Variants in MAST4 observed in about 807,000 individuals in gnomAD.
MAST4 encodes microtubule associated serine/threonine kinase family member 4.
Under a neutral mutation model 162.7 loss-of-function variants are expected in MAST4, and 89 were observed. The observed-to-expected ratio is 0.55, with a 90% confidence interval of 0.46 to 0.65. The LOEUF (loss-of-function observed/expected upper bound fraction) is 0.65, where lower values mean the gene tolerates loss of function less well. Ranked by LOEUF, MAST4 falls within the 30% of genes least tolerant of loss-of-function variation. The pLI, the probability that MAST4 is intolerant of heterozygous loss-of-function variation, is 0.00. For missense variants in MAST4, 3,153 were observed against 3,374.0 expected (o/e 0.93, Z 1.62); for synonymous variants, 1,479 against 1,361.1 (o/e 1.09, Z -1.91).
chr5:67,000,138 T>A (rs947203332), intron 4 of MAST4, among the ~76,000 whole-genome samples: 1 of 152,208 alleles, frequency 6.6e-6, no homozygotes, highest in Non-Finnish European at 1.5e-5. Flanking sequence ...CAAAGTGGAC[T>A]TGAAGGTGTG....
chr5:66,897,751 G>T (rs1762777043), intron 3 of MAST4, among the ~76,000 whole-genome samples: 1 of 152,252 alleles, frequency 6.6e-6, no homozygotes, highest in African/African-American at 2.4e-5. Context: ...TGGAGCAGCA[G>T]TGCTGGGTTA....
At chr5:66,661,446 G>C (rs1051411518) in intron 1 of MAST4, among the ~76,000 whole-genome samples, 17 of 152,286 alleles carry the variant, frequency 1.1e-4, no homozygotes, top group Admixed American at 9.2e-4. Flanking sequence ...GAACTGTTTT[G>C]TGGCTACTCA....
intron 4 of MAST4, among the ~76,000 whole-genome samples, chr5:66,981,859 T>C (rs186694384): frequency 7.2e-5 from 11 of 152,324 alleles, no homozygotes; most frequent in South Asian, 4.1e-4. Flanking sequence ...TCAGTAATTG[T>C]TAAGTGCTCT....
At chr5:66,933,946 C>T (rs1394201497) in intron 4 of MAST4, among the ~76,000 whole-genome samples, 1 of 152,072 alleles carries the variant, frequency 6.6e-6, no homozygotes, top group Non-Finnish European at 1.5e-5. Flanking sequence ...CCAACCTCAG[C>T]CTCCTGAGTA....
intron 3 of MAST4, among the ~76,000 whole-genome samples, chr5:66,886,259 A>G (rs1362025014): frequency 6.6e-6 from 1 of 152,254 alleles, no homozygotes; most frequent in Admixed American, 6.5e-5. Flanking sequence ...TAAAAGAGGC[A>G]CAATTCTTCA....
intron 1 of MAST4, among the ~76,000 whole-genome samples, chr5:66,647,774 G>T (rs1745937841): frequency 6.6e-6 from 1 of 152,048 alleles, no homozygotes; most frequent in Admixed American, 6.6e-5. Flanking sequence ...CCACTGGCAG[G>T]CCATAAATGC....
intron 4 of MAST4, among the ~76,000 whole-genome samples, chr5:66,927,469 T>A (rs1388645570): frequency 1.3e-5 from 2 of 152,206 alleles, no homozygotes; most frequent in Non-Finnish European, 2.9e-5. Flanking sequence ...CTCATAGTAG[T>A]ATATGATCCC....
At position 66,839,872 on chromosome 5, in the gene MAST4, G is replaced by A. The variant is rs994036988; in HGVS notation, c.642+51078G>A. ...TTCAACTAAGAAAAACACATGACAT[G>A]TACATTTTTATCAGTTTTCTTGCAC... is the stretch of plus-strand genomic sequence containing the variant. On this transcript the variant is annotated intron_variant, in intron 3 of 28. Coordinates refer to ENST00000403625, the MANE Select transcript of MAST4 (RefSeq NM_001164664.2). Among the ~76,000 whole-genome samples, 56 of 152,086 alleles carry A rather than the reference G, an allele frequency of 3.7e-4. 1 individual carries two copies. The highest frequency in any genetic ancestry group is 3.3e-3 in the Admixed American group (50 of 15,270).
In MAST4 at chr5:67,166,859, C is replaced by A. The variant is rs1441756094; in HGVS notation, c.7680C>A (p.Thr2560=). ...ALSVTATVGE[T]KGKDPAPAQP... ...CGGTGACTGCCACCGTAGGGGAAACCAAAGGGAAGGACCCTGCCCCAGCCC... is the reference window on the plus strand; with the variant it reads ...CGGTGACTGCCACCGTAGGGGAAACAAAAGGGAAGGACCCTGCCCCAGCCC... Residue 2560 remains threonine (T), a synonymous_variant, in exon 29 of 29, where the codon ACC becomes ACA. Transcript: ENST00000403625. The A allele has an allele frequency of 1.2e-6, 2 of 1,606,852 alleles. No individual in the cohort carries two copies. Among genetic ancestry groups the A allele is most frequent in the African/African-American group, 2.7e-5 (2 of 74,696 alleles).
At chr5:67,092,605 CAGA>C (rs772801008) in intron 6 of MAST4, among the ~76,000 whole-genome samples, 1 of 152,140 alleles carries the variant, frequency 6.6e-6, no homozygotes, top group Non-Finnish European at 1.5e-5. Flanking sequence ...GTGCCTTTCC[CAGA>C]AGTTGTGGAA....
intron 6 of MAST4, chr5:67,094,199 T>C: frequency 7.0e-7 from 1 of 1,431,936 alleles, no homozygotes. Context: ...ATTGTAGTAG[T>C]TCTGTGATTT....
chr5:66,617,458 A>G (rs950562734), intron 1 of MAST4, among the ~76,000 whole-genome samples: 2 of 150,370 alleles, frequency 1.3e-5, no homozygotes, highest in African/African-American at 4.9e-5. Flanking sequence ...TTGGGTCAGT[A>G]AAAGCAGAGA....
At chr5:66,819,045 A>G (rs934891810) in intron 3 of MAST4, among the ~76,000 whole-genome samples, 2 of 152,180 alleles carry the variant, frequency 1.3e-5, no homozygotes, top group Non-Finnish European at 2.9e-5. Context: ...GGGAACACAC[A>G]TTGCTTACCG....
intron 1 of MAST4, among the ~76,000 whole-genome samples, chr5:66,646,557 G>C (rs1745853707): frequency 6.6e-6 from 1 of 152,134 alleles, no homozygotes; most frequent in African/African-American, 2.4e-5. Context: ...ATTTTTCCAG[G>C]AAGCTAGGAT....
At chr5:66,768,282 C>T (rs1167698351) in intron 2 of MAST4, among the ~76,000 whole-genome samples, 1 of 152,136 alleles carries the variant, frequency 6.6e-6, no homozygotes, top group Non-Finnish European at 1.5e-5. Flanking sequence ...AGAGAGACAA[C>T]AGCTGAAGAA....
intron 3 of MAST4, among the ~76,000 whole-genome samples, chr5:66,802,868 C>T (rs1422536404): frequency 6.6e-6 from 1 of 152,134 alleles, no homozygotes; most frequent in African/African-American, 2.4e-5. Context: ...CTGTGTAATT[C>T]TGCTTGCCTA....
intron 3 of MAST4, among the ~76,000 whole-genome samples, chr5:66,807,502 C>CAA (rs57438295): frequency 0.27 from 34,698 of 128,750 alleles, 5,186 homozygotes; most frequent in Non-Finnish European, 0.37. Context: ...GACTCCGTCT[C>CAA]AAAAAAAAAA....
At chr5:66,730,377 C>T (rs761494314) in intron 1 of MAST4, among the ~76,000 whole-genome samples, 4 of 152,038 alleles carry the variant, frequency 2.6e-5, no homozygotes, top group Non-Finnish European at 5.9e-5. Context: ...TTTATACATT[C>T]CCCCCAACCC....
intron 2 of MAST4, among the ~76,000 whole-genome samples, chr5:66,765,796 TAGCTAAA>T (rs1754067905): frequency 6.6e-6 from 1 of 152,200 alleles, no homozygotes; most frequent in Non-Finnish European, 1.5e-5. Flanking sequence ...TTTTCCTCCC[TAGCTAAA>T]CTTTTGAATC....
Sources: allele counts gnomAD v4.1 joint callset (sites outside exome capture counted in the v4.1 genomes callset), GRCh38; gene constraint gnomAD v4.1.1; transcripts MANE v1.5; gene names NCBI Gene and HGNC (gene_info 2026-07-23, HGNC 2026-07-21).